PLEKHG2: variants seen among roughly 807,000 people sequenced by gnomAD.
PLEKHG2 encodes the protein pleckstrin homology and RhoGEF domain containing G2, also known as pleckstrin homology domain-containing family G member 2.
A neutral mutation model predicts 104.4 loss-of-function variants in PLEKHG2; 71 were observed. The ratio of observed to expected loss-of-function variants is 0.68; its 90% confidence interval spans 0.56 to 0.83. The LOEUF (loss-of-function observed/expected upper bound fraction) is 0.83. Among genes scored for constraint, PLEKHG2 ranks in the 40% least tolerant of loss-of-function variants. The pLI is 0.00. For missense variants in PLEKHG2, 1,730 were observed against 1,809.4 expected, an observed-to-expected ratio of 0.96 and a Z score of 0.80; for synonymous variants, 728 against 737.0, an observed-to-expected ratio of 0.99 and a Z score of 0.20.
chr19:39,428,000 C>T lies in PLEKHG2; in HGVS notation c.*2706C>T, dbSNP rs1436388612. 1 of 152,238 alleles carries T rather than the reference C, an allele frequency of 6.6e-6. No individual in the cohort carries two copies. The highest frequency in any genetic ancestry group is 2.4e-5 in the African/African-American group (1 of 41,538). 9.4% of individuals were successfully genotyped at this position (152,238 alleles called of 1,614,324 possible). A position where few individuals can be genotyped will look rare whatever the true frequency, so the allele number is the denominator to read the frequency against. ...GGTGGATCACTTGAAGTGAGGAGTT[C>T]GAGACCACACCAGCCTGGCCAACAT... On this transcript the variant is annotated 3_prime_UTR_variant, in exon 19 of 19. Transcript: ENST00000425673.
chr19:39,416,277 A>C lies in PLEKHG2; in HGVS notation c.480-71A>C. 2 of 1,503,290 alleles carry C rather than the reference A, an allele frequency of 1.3e-6. No homozygotes were observed. The highest frequency in any genetic ancestry group is 1.1e-5 in the South Asian group (1 of 87,510). 93.1% of individuals were successfully genotyped at this position (1,503,290 alleles called of 1,614,324 possible). ...AGCCCCAGCAGACCATTGGGGCCTC[A>C]GCCTCCTGGAGGCCTCCCATGGAGG... On this transcript the variant is annotated intron_variant, in intron 4 of 18. Transcript: ENST00000425673. This position sits in a 1 kb window ranked among gnomAD's most constrained non-coding sequence, Gnocchi z 4.5.
rs749328398 is a variant in PLEKHG2, at chr19:39,424,219, A to G, written c.3086A>G (p.Asp1029Gly). The G allele has an allele frequency of 1.9e-6, 3 of 1,613,966 alleles. No homozygotes were observed. Among genetic ancestry groups the G allele is most frequent in the Non-Finnish European group, 8.5e-7 (1 of 1,180,030 alleles). Residue 1029 changes from aspartate to glycine, a missense_variant, in exon 19 of 19, where the codon GAT (aspartate) becomes GGT (glycine). Transcript: ENST00000425673. ...GCTTTGCCCAAGGAGATTTGTTCTGATTTCACAGTTTCAGTCACCACCCCT... is the reference window on the plus strand; with the variant it reads ...GCTTTGCCCAAGGAGATTTGTTCTGGTTTCACAGTTTCAGTCACCACCCCT... ...TPALPKEICSDFTVSVTTPVP... is the reference protein window; with the variant it reads ...TPALPKEICSGFTVSVTTPVP...
chr19:39,426,539 ATTAT>A lies in PLEKHG2; in HGVS notation c.*1250_*1253del, dbSNP rs372643534. The A allele has an allele frequency of 9.2e-5, 14 of 152,268 alleles. No homozygotes were observed. Among genetic ancestry groups the A allele is most frequent in the African/African-American group, 3.4e-4 (14 of 41,474 alleles). 9.4% of individuals were successfully genotyped at this position (152,268 alleles called of 1,614,324 possible). On this transcript the variant is annotated 3_prime_UTR_variant, in exon 19 of 19. Coordinates refer to ENST00000425673, the MANE Select transcript of PLEKHG2 (RefSeq NM_022835.3). ...TACTTAGCCTCTTGTGCTTTAGCACATTATTTATGTAAGCTCCCCTAGGATTCTC... is the reference window on the plus strand; with the variant it reads ...TACTTAGCCTCTTGTGCTTTAGCACATTATGTAAGCTCCCCTAGGATTCTC...
chr19:39,423,614 C>T lies in PLEKHG2; in HGVS notation c.2560C>T (p.Gln854Ter). 2 of 1,535,590 alleles carry T rather than the reference C, an allele frequency of 1.3e-6. No individual in the cohort carries two copies. The highest frequency in any genetic ancestry group is 1.7e-6 in the Non-Finnish European group (2 of 1,143,154). ...CCGGCCTCGGGTTCTGGCCCAACCC[C>T]AGCCATCCCCCTGTCTGCCCCAGGA... ...RRRPRVLAQP[Q>*]PSPCLPQEQA... The change falls in exon 18 of 19, where the codon CAG becomes TAG. Residue 854 changes from glutamine to a stop codon, truncating the protein, a stop_gained. Transcript: ENST00000425673. LOFTEE classifies it low-confidence loss of function (END_TRUNC).
Position 39,424,211 on chromosome 19 carries a change from T to C in PLEKHG2, c.3078T>C (p.Ile1026=), listed in dbSNP as rs1198951786. The part of the protein sequence containing the change: ...VPTTPALPKE[I]CSDFTVSVTT... ...CCACTCCAGCTTTGCCCAAGGAGATTTGTTCTGATTTCACAGTTTCAGTCA... is the reference window on the plus strand; with the variant it reads ...CCACTCCAGCTTTGCCCAAGGAGATCTGTTCTGATTTCACAGTTTCAGTCA... Residue 1026 remains isoleucine (I), a synonymous_variant, in exon 19 of 19, where the codon ATT becomes ATC. Coordinates refer to ENST00000425673, the MANE Select transcript of PLEKHG2 (RefSeq NM_022835.3). 6.2e-7 allele frequency: 1 copy of C among 1,613,986 alleles called. No homozygotes were observed. Among genetic ancestry groups the C allele is most frequent in the African/African-American group, 1.3e-5 (1 of 74,882 alleles).
At position 39,415,356 on chromosome 19, in the gene PLEKHG2, G is replaced by A. The variant is rs1281869170; in HGVS notation, c.396G>A (p.Leu132=). ...RSIVEDYLGP[L]LDGGVLGLSV... ...CCCAACAGGACTACCTGGGCCCTCT[G>A]CTGGACGGCGGGGTCCTGGGGCTGA... is the stretch of plus-strand genomic sequence containing the variant. Residue 132 remains leucine (L), a synonymous_variant, in exon 4 of 19, where the codon CTG becomes CTA. Coordinates refer to ENST00000425673, the MANE Select transcript of PLEKHG2 (RefSeq NM_022835.3). The surrounding 1 kb of genome is among the most constrained non-coding windows in gnomAD (Gnocchi z 4.6). 3.1e-6 allele frequency: 5 copies of A among 1,614,150 alleles called. No homozygotes were observed. The Admixed American group carries it at 6.7e-5, about 22-fold the overall frequency.
In PLEKHG2 at chr19:39,426,864, G is replaced by A. The variant is rs528543664; in HGVS notation, c.*1570G>A. 7.7e-6 allele frequency: 1 copy of A among 129,468 alleles called. No homozygotes were observed. Among genetic ancestry groups the A allele is most frequent in the Non-Finnish European group, 1.6e-5 (1 of 61,738 alleles). 8.0% of individuals were successfully genotyped at this position (129,468 alleles called of 1,614,324 possible). A position where few individuals can be genotyped will look rare whatever the true frequency, so the allele number is the denominator to read the frequency against. On this transcript the variant is annotated 3_prime_UTR_variant, in exon 19 of 19. Coordinates refer to ENST00000425673, the MANE Select transcript of PLEKHG2 (RefSeq NM_022835.3). ...AATCTGATTTTTTTTTTTTTTTTTA[G>A]ATAAAGTCTCACTCTGTCACCCAGG...
chr19:39,412,926 G>A lies in PLEKHG2; in HGVS notation c.-509G>A, dbSNP rs1453972646. On this transcript the variant is annotated 5_prime_UTR_variant, in exon 1 of 19. Transcript: ENST00000425673. ...CCCGTATCCCCGTTTCAAGAACTCA[G>A]GATCCAGGACCGCAGACTCCCTCCA... 1 of 152,208 alleles carries A rather than the reference G, an allele frequency of 6.6e-6. No individual in the cohort carries two copies. The highest frequency in any genetic ancestry group is 1.5e-5 in the Non-Finnish European group (1 of 68,034). The allele number at this position is 152,208 out of a possible 1,614,324, so 9.4% of individuals were successfully genotyped here.
chr19:39,417,756 T>TGGGGGCGTGGGGGGGGGG, intron 8 of PLEKHG2, 64 bp downstream of exon 8: 3 of 343,292 alleles, frequency 8.7e-6, no homozygotes, highest in Non-Finnish European at 1.3e-5. Flanking sequence ...TTGGGGCGGG[T>TGGGGGCGTGGGGGGGGGG]GGGGGGAAAT....
intron 2 of PLEKHG2, among the ~76,000 whole-genome samples, chr19:39,414,421 G>A (rs1286241233): frequency 6.6e-6 from 1 of 152,250 alleles, no homozygotes; most frequent in Non-Finnish European, 1.5e-5. Flanking sequence ...TCAGGGGAAG[G>A]TTCCTGGAGG....
At chr19:39,421,994 G>A in intron 16 of PLEKHG2, 121 bp from the exon 17 acceptor site, 4 of 1,079,920 alleles carry the variant, frequency 3.7e-6, no homozygotes, top group Non-Finnish European at 5.1e-6. Flanking sequence ...TGCAGGCTGG[G>A]CGACAGAGCG....
chr19:39,417,751 GC>G, intron 8 of PLEKHG2, 59 bp downstream of exon 8: 1 of 1,541,364 alleles, frequency 6.5e-7, no homozygotes, highest in Non-Finnish European at 8.8e-7. Context: ...GGGCCTTGGG[GC>G]GGGTGGGGGG....
rs749884912 is a variant in PLEKHG2, at chr19:39,423,991, C to T, written c.2858C>T (p.Thr953Ile). ...GSRHVQAPAA[T>I]PLPKQEGPLH... ...CGGCATGTCCAGGCTCCAGCCGCCA[C>T]ACCTTTGCCCAAGCAAGAAGGCCCC... Residue 953 changes from threonine to isoleucine, a missense_variant, in exon 19 of 19, where the codon ACA (threonine) becomes ATA (isoleucine). Transcript: ENST00000425673. 1.2e-6 allele frequency: 2 copies of T among 1,614,142 alleles called. No homozygotes were observed. The highest frequency in any genetic ancestry group is 3.3e-5 in the Admixed American group (2 of 60,018).
chr19:39,417,755 GT>G, intron 8 of PLEKHG2, 63 bp downstream of exon 8: 1 of 1,525,380 alleles, frequency 6.6e-7, no homozygotes, highest in Non-Finnish European at 8.8e-7. Flanking sequence ...CTTGGGGCGG[GT>G]GGGGGGAAAT....
At chr19:39,417,756 T>TGGGGGGCGTGGGGGGGGGG in intron 8 of PLEKHG2, 64 bp downstream of exon 8, 1 of 343,350 alleles carries the variant, frequency 2.9e-6, no homozygotes, top group Non-Finnish European at 4.4e-6. Flanking sequence ...TTGGGGCGGG[T>TGGGGGGCGTGGGGGGGGGG]GGGGGGAAAT....
intron 16 of PLEKHG2, chr19:39,421,780 GC>G (rs2078702078): frequency 8.8e-6 from 2 of 226,504 alleles, no homozygotes; most frequent in South Asian, 2.2e-4. Flanking sequence ...ACTTTGGGAG[GC>G]CGAGGTAGGT....
At position 39,423,278 on chromosome 19, in the gene PLEKHG2, A is replaced by G; in HGVS notation, c.2224A>G (p.Thr742Ala). ...GGAGGATGAAGAAGGGGTATCATTC[A>G]CAGACTTCCAGCCCCAGGATGTCAC... ...PEEDEEGVSF[T>A]DFQPQDVTQH... The change falls in exon 18 of 19, where the codon ACA (threonine) becomes GCA (alanine). Residue 742 changes from threonine (T) to alanine (A), a missense_variant. Physicochemically the swap from Thr to Ala is moderately conservative, Grantham distance 58 (BLOSUM62 0). Coordinates refer to ENST00000425673, the MANE Select transcript of PLEKHG2 (RefSeq NM_022835.3). The G allele has an allele frequency of 1.2e-6, 2 of 1,614,074 alleles. No individual in the cohort carries two copies. Among genetic ancestry groups the G allele is most frequent in the Non-Finnish European group, 1.7e-6 (2 of 1,179,902 alleles).
At chr19:39,414,320 C>A in intron 2 of PLEKHG2, 125 bp downstream of exon 2, 2 of 977,760 alleles carry the variant, frequency 2.0e-6, no homozygotes, top group Non-Finnish European at 3.1e-6. Context: ...GTGGGGAAGG[C>A]GGGCCCATCC....
chr19:39,417,873 G>A (rs2078632673), intron 8 of PLEKHG2, 32 bp from the exon 9 acceptor site: 1 of 1,523,096 alleles, frequency 6.6e-7, no homozygotes, highest in South Asian at 1.2e-5. Context: ...GCTTGTCTCT[G>A]CGCCCCGGCG....
Sources: gnomAD v4.1 joint callset for allele counts (sites outside exome capture counted in the v4.1 genomes callset) on GRCh38, gnomAD v4.1.1 for gene constraint, Gnocchi (gnomAD v3.1) non-coding constraint, MANE v1.5 for transcripts, NCBI Gene and HGNC (gene_info 2026-07-23, HGNC 2026-07-21) for gene names.